Variants in NEO1 observed in about 807,000 individuals in gnomAD.
NEO1 encodes neogenin 1.
In NEO1, 63 loss-of-function variants were observed where a neutral mutation model predicts 159.7. The ratio of observed to expected loss-of-function variants is 0.39; its 90% CI spans 0.32 to 0.49. NEO1 has a LOEUF of 0.49. Ranked by LOEUF, NEO1 falls within the 20% of genes least tolerant of loss-of-function variation. The pLI is 0.85. For missense variants in NEO1, 1,615 were observed against 1,831.0 expected (o/e 0.88, Z 2.15); for synonymous variants, 633 against 662.0 (o/e 0.96, Z 0.67).
In NEO1 at chr15:73,270,011, C is replaced by T; in HGVS notation, c.2496C>T (p.Asp832=). 1 of 1,611,242 alleles carries T rather than the reference C, an allele frequency of 6.2e-7. No individual in the cohort carries two copies. Among genetic ancestry groups the T allele is most frequent in the Non-Finnish European group, 8.5e-7 (1 of 1,177,810 alleles). The part of the protein sequence containing the change: ...YESAVTRPHT[D]TSEVDLFVIN... ...CTTTTTAAATTATTTTCTGCTCAGA[C>T]ACTTCTGAAGTTGATTTATTTGTTA... The change falls in exon 17 of 29, where the codon GAC becomes GAT. Residue 832 remains aspartate (D), a splice_region_variant and synonymous_variant. Coordinates refer to ENST00000261908, the MANE Select transcript of NEO1 (RefSeq NM_002499.4).
chr15:73,244,202 C>G (rs1459357831), intron 8 of NEO1, 142 bp from the exon 9 acceptor site: 1 of 834,084 alleles, frequency 1.2e-6, no homozygotes, highest in Middle Eastern at 3.3e-4. Context: ...CTTCTTTGCA[C>G]TGTCCTACCC....
intron 7 of NEO1, 142 bp from the exon 8 acceptor site, chr15:73,236,201 CTTTT>C (rs1172552949): frequency 2.7e-6 from 3 of 1,096,362 alleles, no homozygotes; most frequent in Non-Finnish European, 3.9e-6. Context: ...TTGTTTATTT[CTTTT>C]TTGTTTTTTG....
chr15:73,057,890 ATGTT>A (rs1222709367), intron 1 of NEO1, among the ~76,000 whole-genome samples: 31 of 152,296 alleles, frequency 2.0e-4, no homozygotes, highest in Middle Eastern at 3.4e-3. Flanking sequence ...ACATAAATAT[ATGTT>A]TGTTTGCAGT....
chr15:73,274,021 C>G lies in NEO1; in HGVS notation c.3160+16C>G, dbSNP rs368400299. On this transcript the variant is annotated intron_variant, in intron 20 of 28. Coordinates refer to ENST00000261908, the MANE Select transcript of NEO1 (RefSeq NM_002499.4). ...ACACCTAAAGGTAATGCTCCCCAAG[C>G]TGAGGGTTTTGTTGTGTGTCTCTTT... 2.3e-5 allele frequency: 37 copies of G among 1,608,986 alleles called. No homozygotes were observed. Among genetic ancestry groups the G allele is most frequent in the Non-Finnish European group, 3.1e-5 (37 of 1,177,480 alleles).
intron 6 of NEO1, 109 bp from the exon 7 acceptor site, chr15:73,178,198 C>T: frequency 2.0e-6 from 2 of 981,694 alleles, no homozygotes; most frequent in Non-Finnish European, 3.0e-6. Context: ...ATAATTGGAT[C>T]ATAAAAACTT....
chr15:73,119,615 T>C (rs931463821), intron 2 of NEO1, among the ~76,000 whole-genome samples: 6 of 152,224 alleles, frequency 3.9e-5, no homozygotes, highest in Non-Finnish European at 7.3e-5. Context: ...CTTTTTCTCC[T>C]GCAGTTCTCC....
At chr15:73,103,069 A>T (rs1159232779) in intron 1 of NEO1, among the ~76,000 whole-genome samples, 2 of 151,902 alleles carry the variant, frequency 1.3e-5, no homozygotes, top group East Asian at 1.9e-4. Flanking sequence ...AAAATTCATC[A>T]TGTCTGCCAT....
intron 7 of NEO1, among the ~76,000 whole-genome samples, chr15:73,202,380 C>G (rs1230206935): frequency 6.6e-6 from 1 of 152,118 alleles, no homozygotes; most frequent in Non-Finnish European, 1.5e-5. Flanking sequence ...TCCTCCTATT[C>G]AGAATTTTGA....
At chr15:73,294,829 C>T (rs962622517) in intron 26 of NEO1, among the ~76,000 whole-genome samples, 6 of 151,986 alleles carry the variant, frequency 3.9e-5, no homozygotes, top group Admixed American at 2.0e-4. Context: ...CGTGAGCTAC[C>T]GCGCCCGGTC....
intron 21 of NEO1, among the ~76,000 whole-genome samples, chr15:73,277,085 G>A (rs2041457749): frequency 6.6e-6 from 1 of 152,124 alleles, no homozygotes; most frequent in African/African-American, 2.4e-5. Context: ...GAAAACTGAG[G>A]CCCAAAAAGA....
At chr15:73,057,317 A>G (rs926261030) in intron 1 of NEO1, among the ~76,000 whole-genome samples, 1 of 152,126 alleles carries the variant, frequency 6.6e-6, no homozygotes, top group Non-Finnish European at 1.5e-5. Flanking sequence ...CTCAATGAAA[A>G]TATTGGGGTA....
chr15:73,175,530 C>T (rs1364061525), intron 5 of NEO1, among the ~76,000 whole-genome samples: 1 of 152,178 alleles, frequency 6.6e-6, no homozygotes, highest in African/African-American at 2.4e-5. Flanking sequence ...ATCAAAATCC[C>T]AGCAGGCTGG....
intron 9 of NEO1, among the ~76,000 whole-genome samples, chr15:73,244,851 T>C (rs1046396641): frequency 1.7e-4 from 25 of 144,990 alleles, no homozygotes; most frequent in African/African-American, 6.4e-4. Context: ...CTCGGGAGAA[T>C]AGCTGAGGCA....
intron 2 of NEO1, among the ~76,000 whole-genome samples, chr15:73,120,345 T>C (rs908021929): frequency 6.6e-6 from 1 of 151,082 alleles, no homozygotes; most frequent in Admixed American, 6.6e-5. Context: ...GCAGATTTTT[T>C]AGATAATTTT....
At chr15:73,194,365 A>G (rs1409260064) in intron 7 of NEO1, among the ~76,000 whole-genome samples, 2 of 152,166 alleles carry the variant, frequency 1.3e-5, no homozygotes, top group Non-Finnish European at 2.9e-5. Context: ...AAGGATGGGT[A>G]ATTTATAAAG....
Position 73,260,396 on chromosome 15 carries a change from A to G in NEO1, c.2329A>G (p.Ile777Val). The G allele has an allele frequency of 6.2e-7, 1 of 1,614,080 alleles. No individual in the cohort carries two copies. The highest frequency in any genetic ancestry group is 2.2e-5 in the East Asian group (1 of 44,886). ...VVRGYAIGYG[I>V]GSPHAQTIKV... ...CAGAGGTTACGCCATTGGTTATGGC[A>G]TTGGCAGCCCTCATGCCCAGACCAT... The change falls in exon 15 of 29, where the codon ATT becomes GTT. Residue 777 changes from isoleucine to valine, a missense_variant. Ile to Val is a conservative substitution (Grantham distance 29). This residue lies in a region of NEO1 where 1,018 missense variants were observed against 1,115.4 expected (regional missense o/e 0.91). Coordinates refer to ENST00000261908, the MANE Select transcript of NEO1 (RefSeq NM_002499.4).
intron 5 of NEO1, among the ~76,000 whole-genome samples, chr15:73,152,093 G>T (rs2033417137): frequency 6.6e-6 from 1 of 152,214 alleles, no homozygotes; most frequent in Admixed American, 6.5e-5. Context: ...ACATGTATGT[G>T]TGGTGTTATG....
intron 28 of NEO1, 59 bp from the exon 29 acceptor site, chr15:73,302,554 C>A: frequency 1.3e-6 from 2 of 1,511,122 alleles, no homozygotes; most frequent in East Asian, 2.3e-5. Context: ...TCTCTCTGGG[C>A]TCTCCTTTCT....
chr15:73,069,452 A>G (rs1227628646), intron 1 of NEO1, among the ~76,000 whole-genome samples: 1 of 151,912 alleles, frequency 6.6e-6, no homozygotes, highest in Non-Finnish European at 1.5e-5. Flanking sequence ...TGTTTGATCA[A>G]AGTTTTTGTT....
Sources: allele counts gnomAD v4.1 joint callset (sites outside exome capture counted in the v4.1 genomes callset), GRCh38; gene constraint gnomAD v4.1.1; regional missense constraint gnomAD v4.1.1; transcripts MANE v1.5; gene names NCBI Gene and HGNC (gene_info 2026-07-23, HGNC 2026-07-21).